CPEB2: variants seen among roughly 807,000 people sequenced by gnomAD.
The protein encoded by CPEB2 is cytoplasmic polyadenylation element binding protein 2, also known as cytoplasmic polyadenylation element-binding protein 2.
A neutral mutation model predicts 93.6 loss-of-function variants in CPEB2; 56 were observed. The observed-to-expected ratio is 0.60, with a 90% CI of 0.48 to 0.75. CPEB2 has a LOEUF of 0.75. CPEB2 is among the 30% of genes least tolerant of loss of function. CPEB2 has a pLI of 0.00. For synonymous variants in CPEB2, 764 were observed against 586.3 expected (o/e 1.30, Z -4.38); for missense variants, 1,579 against 1,395.1 (o/e 1.13, Z -2.10).
intron 6 of CPEB2, among the ~76,000 whole-genome samples, chr4:15,051,795 T>C (rs1441108821): frequency 6.6e-6 from 1 of 152,216 alleles, no homozygotes; most frequent in Non-Finnish European, 1.5e-5. Context: ...TTCAGAGGAT[T>C]GTGCAGGATG....
chr4:15,052,656 T>C (rs1728340537), intron 7 of CPEB2, 72 bp downstream of exon 7: 1 of 1,020,438 alleles, frequency 9.8e-7, no homozygotes, highest in Non-Finnish European at 1.3e-6. Flanking sequence ...AAATTTAATG[T>C]GAATGGACTA....
chr4:15,035,099 C>T (rs1055087949), intron 5 of CPEB2, among the ~76,000 whole-genome samples: 3 of 152,142 alleles, frequency 2.0e-5, no homozygotes, highest in African/African-American at 7.2e-5. Context: ...ACATTTAACT[C>T]ACTTTGAGGC....
intron 3 of CPEB2, 124 bp from the exon 4 acceptor site, chr4:15,017,064 G>A: frequency 1.6e-6 from 1 of 613,612 alleles, no homozygotes; most frequent in Non-Finnish European, 2.9e-6. Flanking sequence ...ATTTTTGTGG[G>A]ATACAGATTA....
At chr4:15,038,904 G>T (rs1382449288) in intron 5 of CPEB2, among the ~76,000 whole-genome samples, 7 of 151,982 alleles carry the variant, frequency 4.6e-5, no homozygotes, top group Non-Finnish European at 1.0e-4. Context: ...GTCTATTCTT[G>T]ATCACTCTAT....
At chr4:15,021,091 C>T (rs1038511874) in intron 4 of CPEB2, among the ~76,000 whole-genome samples, 5 of 152,110 alleles carry the variant, frequency 3.3e-5, no homozygotes, top group African/African-American at 9.7e-5. Context: ...TGCCTGATGC[C>T]GACTGGGTGT....
intron 11 of CPEB2, among the ~76,000 whole-genome samples, chr4:15,065,952 G>C (rs1191152367): frequency 6.6e-6 from 1 of 152,052 alleles, no homozygotes; most frequent in South Asian, 2.1e-4. Flanking sequence ...AGGTGAGAGT[G>C]GAATGTTTTG....
chr4:15,035,211 C>T (rs202149018), intron 5 of CPEB2, among the ~76,000 whole-genome samples: 1 of 150,676 alleles, frequency 6.6e-6, no homozygotes. Flanking sequence ...GTCTTTTTTT[C>T]TTTTTTTTTG....
chr4:15,003,687 C>T lies in CPEB2; in HGVS notation c.1014C>T (p.Ala338=). 1 of 1,459,074 alleles carries T rather than the reference C, an allele frequency of 6.9e-7. No homozygotes were observed. Among genetic ancestry groups the T allele is most frequent in the Non-Finnish European group, 9.0e-7 (1 of 1,107,558 alleles). The allele number at this position is 1,459,074 out of a possible 1,614,324, so 90.4% of individuals were successfully genotyped here. ...CCGGAGGTGCGCTTGGCGCGGGCGC[C>T]TTCAGCAGCCTGCAGAGCCCGGACC... ...LLPGGALGAG[A]FSSLQSPDLP... The change falls in exon 1 of 12, where the codon GCC becomes GCT. Residue 338 remains alanine, a synonymous_variant. Transcript: ENST00000538197.
intron 4 of CPEB2, among the ~76,000 whole-genome samples, chr4:15,023,502 T>C (rs1487480773): frequency 6.6e-6 from 1 of 152,066 alleles, no homozygotes; most frequent in African/African-American, 2.4e-5. Context: ...ATAATTGATA[T>C]TTTGGTGTAT....
intron 4 of CPEB2, 34 bp downstream of exon 4, chr4:15,017,312 T>G (rs1460400627): frequency 2.7e-6 from 3 of 1,111,464 alleles, no homozygotes. Flanking sequence ...TATGTTTATA[T>G]TATACACCAA....
intron 4 of CPEB2, among the ~76,000 whole-genome samples, chr4:15,019,834 A>C (rs1208262576): frequency 6.6e-6 from 1 of 152,056 alleles, no homozygotes; most frequent in East Asian, 1.9e-4. Flanking sequence ...TTATCTCTCT[A>C]TAATTATCCC....
rs1729870736 is a variant in CPEB2, at chr4:15,068,541, T to C, written c.*2161T>C. 6.6e-6 allele frequency: 1 copy of C among 152,294 alleles called. No homozygotes were observed. The highest frequency in any genetic ancestry group is 1.5e-5 in the Non-Finnish European group (1 of 67,828). The allele number at this position is 152,294 out of a possible 1,614,324, so 9.4% of individuals were successfully genotyped here. A position where few individuals can be genotyped will look rare whatever the true frequency, so the allele number is the denominator to read the frequency against. On this transcript the variant is annotated 3_prime_UTR_variant, in exon 12 of 12. Coordinates refer to ENST00000538197, the MANE Select transcript of CPEB2 (RefSeq NM_001177382.2). Reference sequence around the variant, plus strand: ...TTTTGACTGATGACATCTCCTTTGCTATACCTCAATTTTTGGAATTTAGAG... The same window carrying C: ...TTTTGACTGATGACATCTCCTTTGCCATACCTCAATTTTTGGAATTTAGAG...
At chr4:15,007,841 C>T (rs1336666438) in intron 2 of CPEB2, among the ~76,000 whole-genome samples, 1 of 152,146 alleles carries the variant, frequency 6.6e-6, no homozygotes, top group African/African-American at 2.4e-5. Context: ...TAAATACATA[C>T]TGAAGCTTTC....
chr4:15,052,702 G>T, intron 7 of CPEB2, 118 bp downstream of exon 7: 1 of 526,348 alleles, frequency 1.9e-6, no homozygotes, highest in Non-Finnish European at 3.0e-6. Flanking sequence ...TTCAGAATTA[G>T]AATGCATTTT....
At chr4:15,058,824 T>C (rs1323568304) in intron 9 of CPEB2, among the ~76,000 whole-genome samples, 1 of 152,140 alleles carries the variant, frequency 6.6e-6, no homozygotes, top group Non-Finnish European at 1.5e-5. Context: ...TGGCACTCTA[T>C]TCTCATAGGA....
intron 4 of CPEB2, among the ~76,000 whole-genome samples, chr4:15,029,799 TTATGGTCTAA>T (rs1371063583): frequency 6.6e-6 from 1 of 152,142 alleles, no homozygotes; most frequent in Non-Finnish European, 1.5e-5. Context: ...AGTTTTTGCC[TTATGGTCTAA>T]TATGGTCTCT....
rs753816162 is a variant in CPEB2, at chr4:15,004,213, C to T, written c.1540C>T (p.Pro514Ser). ...AMNIPQQQPP[P>S]PAAPQQPQSR... ...GAATATACCTCAACAGCAGCCCCCGCCGCCCGCGGCGCCGCAGCAGCCGCA... is the reference window on the plus strand; with the variant it reads ...GAATATACCTCAACAGCAGCCCCCGTCGCCCGCGGCGCCGCAGCAGCCGCA... The change falls in exon 1 of 12, where the codon CCG becomes TCG. Residue 514 changes from proline to serine, a missense_variant. Transcript: ENST00000538197. The T allele has an allele frequency of 3.3e-6, 5 of 1,493,464 alleles. No homozygotes were observed. The highest frequency in any genetic ancestry group is 1.3e-5 in the South Asian group (1 of 79,868). The allele number at this position is 1,493,464 out of a possible 1,614,324, so 92.5% of individuals were successfully genotyped here. A position where few individuals can be genotyped will look rare whatever the true frequency, so the allele number is the denominator to read the frequency against.
chr4:15,042,427 C>T (rs559809574), intron 6 of CPEB2, among the ~76,000 whole-genome samples: 3 of 152,252 alleles, frequency 2.0e-5, no homozygotes, highest in Admixed American at 6.5e-5. Flanking sequence ...AAGACTTATT[C>T]GGCTTCAGAA....
intron 4 of CPEB2, among the ~76,000 whole-genome samples, chr4:15,031,634 C>G (rs568059190): frequency 1.3e-4 from 20 of 152,176 alleles, no homozygotes; most frequent in African/African-American, 4.8e-4. Flanking sequence ...GTAGATAATC[C>G]TTTTGATAAC....
Sources: gnomAD v4.1 joint callset for allele counts (sites outside exome capture counted in the v4.1 genomes callset) on GRCh38, gnomAD v4.1.1 for gene constraint, MANE v1.5 for transcripts, NCBI Gene and HGNC (gene_info 2026-07-23, HGNC 2026-07-21) for gene names.